The following DCC variants were observed in gnomAD, a reference collection of about 807,000 sequenced individuals.
DCC encodes the protein DCC netrin 1 receptor.
Under a neutral mutation model 172.5 loss-of-function variants are expected in DCC, and 58 were observed. The observed-to-expected ratio is 0.34, with a 90% CI of 0.27 to 0.42. DCC has a LOEUF of 0.42. Among genes scored for constraint, DCC ranks in the 10% least tolerant of loss-of-function variants. The pLI, the probability that DCC is intolerant of heterozygous loss-of-function variation, is 1.00. For missense variants in DCC, 1,740 were observed against 1,791.0 expected (o/e 0.97, Z 0.51); for synonymous variants, 709 against 644.5 (o/e 1.10, Z -1.52).
chr18:52,907,725 A>G (rs1170335580), intron 3 of DCC, among the ~76,000 whole-genome samples: 5 of 152,122 alleles, frequency 3.3e-5, no homozygotes, highest in Non-Finnish European at 1.5e-5. Flanking sequence ...CCCAGCCTGA[A>G]CAATCACTTA....
intron 5 of DCC, among the ~76,000 whole-genome samples, chr18:52,930,690 T>A (rs950889293): frequency 6.6e-6 from 1 of 152,192 alleles, no homozygotes; most frequent in African/African-American, 2.4e-5. Context: ...TTTTACATTT[T>A]GTGAATTTGC....
At chr18:52,548,141 CT>C (rs994543192) in intron 1 of DCC, among the ~76,000 whole-genome samples, 1 of 152,082 alleles carries the variant, frequency 6.6e-6, no homozygotes, top group African/African-American at 2.4e-5. Flanking sequence ...ATAGCCTTTT[CT>C]TTTCTTTTCC....
At chr18:52,527,850 C>A (rs1373148441) in intron 1 of DCC, among the ~76,000 whole-genome samples, 4 of 152,142 alleles carry the variant, frequency 2.6e-5, no homozygotes, top group South Asian at 4.1e-4. Context: ...GAGCATCTAG[C>A]CTCTGACAAC....
chr18:53,024,135 T>A (rs1385580547), intron 5 of DCC, among the ~76,000 whole-genome samples: 1 of 152,110 alleles, frequency 6.6e-6, no homozygotes, highest in Non-Finnish European at 1.5e-5. Context: ...AAGAGCAAAA[T>A]GTATCCTATT....
intron 1 of DCC, among the ~76,000 whole-genome samples, chr18:52,602,750 C>T (rs1250864207): frequency 2.0e-5 from 3 of 151,790 alleles, no homozygotes; most frequent in Non-Finnish European, 1.5e-5. Context: ...ACTTTTTATG[C>T]CCTATTTTGC....
intron 1 of DCC, among the ~76,000 whole-genome samples, chr18:52,642,339 C>T (rs1030429839): frequency 2.0e-5 from 3 of 151,118 alleles, no homozygotes; most frequent in East Asian, 2.0e-4. Flanking sequence ...GGGAGGGGGG[C>T]AAGGGATAGA....
chr18:52,502,334 T>C (rs1448727903), intron 1 of DCC, among the ~76,000 whole-genome samples: 1 of 152,192 alleles, frequency 6.6e-6, no homozygotes, highest in Non-Finnish European at 1.5e-5. Flanking sequence ...GAGTTATAAA[T>C]AAGAACATGT....
At chr18:53,017,325 C>T (rs2041822777) in intron 5 of DCC, among the ~76,000 whole-genome samples, 1 of 152,040 alleles carries the variant, frequency 6.6e-6, no homozygotes, top group African/African-American at 2.4e-5. Context: ...TAACAACTTC[C>T]AGTAAAAATT....
rs1225034537 is a variant in DCC, at chr18:52,962,303, C to T, written c.985+36933C>T. 3.3e-5 allele frequency among the ~76,000 whole-genome samples: 5 copies of T among 151,864 alleles called. No homozygotes were observed. In the South Asian group the frequency reaches 6.2e-4, roughly 19 times the overall value. ...TCAAAAAGTGGGCAAAGGATATGAA[C>T]AGACACTTCTCAAAAGAAGACATTT... On this transcript the variant is annotated intron_variant, in intron 5 of 28. Coordinates refer to ENST00000442544, the MANE Select transcript of DCC (RefSeq NM_005215.4).
At chr18:52,949,114 G>A (rs2040595556) in intron 5 of DCC, among the ~76,000 whole-genome samples, 1 of 152,188 alleles carries the variant, frequency 6.6e-6, no homozygotes, top group African/African-American at 2.4e-5. Context: ...GTGATTAATA[G>A]TCCCTGCCCT....
chr18:52,816,005 G>A (rs2038290538), intron 2 of DCC, among the ~76,000 whole-genome samples: 1 of 152,192 alleles, frequency 6.6e-6, no homozygotes, highest in South Asian at 2.1e-4. Flanking sequence ...TGAATAATAA[G>A]TAATAGCAAC....
chr18:52,724,121 C>T (rs2036516353), intron 1 of DCC, among the ~76,000 whole-genome samples: 1 of 152,052 alleles, frequency 6.6e-6, no homozygotes. Flanking sequence ...TTCATGGATC[C>T]TGTTCTCTTG....
intron 5 of DCC, among the ~76,000 whole-genome samples, chr18:53,048,818 C>A (rs1187191250): frequency 6.6e-6 from 1 of 151,660 alleles, no homozygotes; most frequent in Admixed American, 6.6e-5. Flanking sequence ...TAAGGATTTT[C>A]TTCTCTCCAC....
At chr18:52,866,304 A>T (rs1490347107) in intron 2 of DCC, among the ~76,000 whole-genome samples, 1 of 152,196 alleles carries the variant, frequency 6.6e-6, no homozygotes, top group East Asian at 1.9e-4. Flanking sequence ...GCCTTACAGG[A>T]TAATTTCAAG....
At chr18:53,312,271 G>A (rs1166875619) in intron 13 of DCC, among the ~76,000 whole-genome samples, 3 of 148,628 alleles carry the variant, frequency 2.0e-5, no homozygotes, top group Non-Finnish European at 3.0e-5. Flanking sequence ...AATCCGGGAG[G>A]TGGGGCTTGC....
chr18:52,972,785 A>C (rs911056748), intron 5 of DCC, among the ~76,000 whole-genome samples: 1 of 152,184 alleles, frequency 6.6e-6, no homozygotes, highest in African/African-American at 2.4e-5. Flanking sequence ...GCCATTGAAG[A>C]GAAGACATAC....
At chr18:52,620,791 C>G (rs989044022) in intron 1 of DCC, among the ~76,000 whole-genome samples, 2 of 152,120 alleles carry the variant, frequency 1.3e-5, no homozygotes, top group Admixed American at 6.5e-5. Context: ...AATGAATAAG[C>G]CATCATTTCC....
intron 1 of DCC, among the ~76,000 whole-genome samples, chr18:52,443,844 C>T (rs1002233640): frequency 5.9e-5 from 9 of 151,940 alleles, no homozygotes; most frequent in African/African-American, 1.9e-4. Context: ...AATGATGATT[C>T]AGATGACATG....
At chr18:52,462,898 C>T (rs551167435) in intron 1 of DCC, among the ~76,000 whole-genome samples, 1 of 152,182 alleles carries the variant, frequency 6.6e-6, no homozygotes. Context: ...CCAATCTCTC[C>T]TGGCCATTTC....
Sources: gnomAD v4.1 joint callset for allele counts (sites outside exome capture counted in the v4.1 genomes callset) on GRCh38, gnomAD v4.1.1 for gene constraint, MANE v1.5 for transcripts, NCBI Gene and HGNC (gene_info 2026-07-23, HGNC 2026-07-21) for gene names.